The following FBXW8 variants were observed in gnomAD, a reference collection of about 807,000 sequenced individuals.
FBXW8 encodes F-box and WD repeat domain containing 8, also known as F-box/WD repeat-containing protein 8.
Under a neutral mutation model 65.3 loss-of-function variants are expected in FBXW8, and 57 were observed. The observed-to-expected ratio is 0.87, with a 90% CI of 0.71 to 1.09. The LOEUF (loss-of-function observed/expected upper bound fraction) is 1.09, where lower values mean the gene tolerates loss of function less well. Among genes scored for constraint, FBXW8 ranks in the 50% least tolerant of loss-of-function variants. FBXW8 has a pLI of 0.00. For synonymous variants in FBXW8, 308 were observed against 330.2 expected, an observed-to-expected ratio of 0.93 and a Z score of 0.73; for missense variants, 777 against 814.8, an observed-to-expected ratio of 0.95 and a Z score of 0.57.
chr12:117,023,828 T>C (rs528872145), intron 8 of FBXW8, among the ~76,000 whole-genome samples: 2 of 152,372 alleles, frequency 1.3e-5, no homozygotes, highest in African/African-American at 4.8e-5. Flanking sequence ...GTACACCTAC[T>C]GCTGGGACAG....
chr12:117,007,040 T>C (rs1254814515), intron 7 of FBXW8, among the ~76,000 whole-genome samples: 1 of 152,228 alleles, frequency 6.6e-6, no homozygotes, highest in Non-Finnish European at 1.5e-5. Context: ...AAAGTATATA[T>C]ATCAAACTGT....
intron 1 of FBXW8, among the ~76,000 whole-genome samples, chr12:116,912,326 T>G (rs1486885925): frequency 1.3e-5 from 2 of 152,058 alleles, no homozygotes; most frequent in Non-Finnish European, 2.9e-5. Flanking sequence ...TAGCTGGGAC[T>G]ACACGCATGC....
At chr12:116,930,021 C>CT (rs1402093855) in intron 2 of FBXW8, among the ~76,000 whole-genome samples, 5 of 151,514 alleles carry the variant, frequency 3.3e-5, no homozygotes, top group Non-Finnish European at 5.9e-5. Context: ...TGATTTCCTT[C>CT]TTTTTTTTTC....
At chr12:117,003,782 A>G (rs1953602373) in intron 7 of FBXW8, among the ~76,000 whole-genome samples, 1 of 152,226 alleles carries the variant, frequency 6.6e-6, no homozygotes, top group Non-Finnish European at 1.5e-5. Context: ...TTCCACTGAC[A>G]CTACTGACGA....
chr12:116,999,733 C>T (rs983139901), intron 7 of FBXW8, among the ~76,000 whole-genome samples: 2 of 152,162 alleles, frequency 1.3e-5, no homozygotes, highest in African/African-American at 4.8e-5. Context: ...CCCATCTTAG[C>T]TCCTAGCTCT....
chr12:116,959,747 G>A (rs1883866349), intron 4 of FBXW8, among the ~76,000 whole-genome samples: 2 of 152,048 alleles, frequency 1.3e-5, no homozygotes, highest in Admixed American at 6.5e-5. Context: ...TCCCTCTGTC[G>A]TGCAGAGCTT....
chr12:117,016,012 C>A (rs1953939949), intron 8 of FBXW8, among the ~76,000 whole-genome samples: 1 of 152,186 alleles, frequency 6.6e-6, no homozygotes, highest in African/African-American at 2.4e-5. Flanking sequence ...ATCAGTATGT[C>A]ATTCCTTTTT....
chr12:117,013,626 T>G (rs1314568116), intron 8 of FBXW8, among the ~76,000 whole-genome samples: 1 of 152,132 alleles, frequency 6.6e-6, no homozygotes, highest in Non-Finnish European at 1.5e-5. Flanking sequence ...AAAAAAAAAT[T>G]TTTCACATCT....
At chr12:116,979,790 A>C (rs908240319) in intron 5 of FBXW8, among the ~76,000 whole-genome samples, 22 of 151,974 alleles carry the variant, frequency 1.4e-4, no homozygotes, top group East Asian at 7.7e-4. Context: ...AAAAAAAAAA[A>C]AAAAAACACT....
chr12:116,912,615 C>A (rs541062569), intron 1 of FBXW8, among the ~76,000 whole-genome samples: 26 of 152,182 alleles, frequency 1.7e-4, no homozygotes, highest in South Asian at 4.2e-4. Context: ...CGCCCACCAC[C>A]ACGCCCGGCT....
chr12:117,027,656 T>C, intron 10 of FBXW8, 152 bp downstream of exon 10: 1 of 690,424 alleles, frequency 1.4e-6, no homozygotes. Context: ...ACGTGGATGC[T>C]GACCTGTACT....
intron 1 of FBXW8, among the ~76,000 whole-genome samples, chr12:116,923,040 A>G (rs1881026630): frequency 6.6e-6 from 1 of 152,160 alleles, no homozygotes. Flanking sequence ...CCCTGTCTCT[A>G]CTAAAAAATA....
chr12:116,929,096 G>C (rs966130077), intron 2 of FBXW8, among the ~76,000 whole-genome samples: 1 of 152,112 alleles, frequency 6.6e-6, no homozygotes, highest in South Asian at 2.1e-4. Flanking sequence ...ATGAGCCACC[G>C]CGCCCGGCCC....
chr12:116,950,497 A>G (rs1292129268), intron 4 of FBXW8: 1 of 152,218 alleles, frequency 6.6e-6, no homozygotes, highest in Non-Finnish European at 1.5e-5. Context: ...TTGGACTTTA[A>G]AACTCAGTAG....
intron 1 of FBXW8, among the ~76,000 whole-genome samples, chr12:116,916,710 C>T (rs1880439494): frequency 6.6e-6 from 1 of 152,026 alleles, no homozygotes; most frequent in South Asian, 2.1e-4. Context: ...CCAGCCTGGG[C>T]AAAATAGATT....
Position 116,911,220 on chromosome 12 carries a change from GGGCGCGGGGAGGCCCCCGGC to G in FBXW8, c.192_211del (p.Arg65AspfsTer37), listed in dbSNP as rs1167644940. ...CGGCGCTGGCCCAGCGTCTCCTGGA[GGGCGCGGGGAGGCCCCCGGC>G]GGCGCGGGCGACTCGGGCCGAGGGG... On this transcript the variant is annotated frameshift_variant, in exon 1 of 11. Transcript: ENST00000652555. LOFTEE classifies it high-confidence loss of function. 3 of 1,246,766 alleles carry G rather than the reference GGGCGCGGGGAGGCCCCCGGC, an allele frequency of 2.4e-6. No homozygotes were observed. The highest frequency in any genetic ancestry group is 4.2e-5 in the Admixed American group (1 of 23,614). 77.2% of individuals were successfully genotyped at this position (1,246,766 alleles called of 1,614,324 possible).
At chr12:116,916,052 G>A (rs1389337722) in intron 1 of FBXW8, among the ~76,000 whole-genome samples, 1 of 152,116 alleles carries the variant, frequency 6.6e-6, no homozygotes, top group Non-Finnish European at 1.5e-5. Flanking sequence ...TCTCGTGTAT[G>A]GCATTATCTG....
At chr12:116,996,005 A>C (rs1953365078) in intron 7 of FBXW8, among the ~76,000 whole-genome samples, 1 of 152,160 alleles carries the variant, frequency 6.6e-6, no homozygotes, top group Non-Finnish European at 1.5e-5. Flanking sequence ...TCAGAGGTGG[A>C]GGGTTAGAAG....
intron 8 of FBXW8, among the ~76,000 whole-genome samples, chr12:117,021,490 A>G (rs1954095062): frequency 6.8e-6 from 1 of 147,116 alleles, no homozygotes; most frequent in Non-Finnish European, 1.5e-5. Context: ...CCTCCTTTGA[A>G]TATGTTTTAT....
Sources: gnomAD v4.1 joint callset for allele counts (sites outside exome capture counted in the v4.1 genomes callset) on GRCh38, gnomAD v4.1.1 for gene constraint, MANE v1.5 for transcripts, NCBI Gene and HGNC (gene_info 2026-07-23, HGNC 2026-07-21) for gene names.